ABHD10: variants seen among roughly 807,000 people sequenced by gnomAD.
The protein encoded by ABHD10 is abhydrolase domain containing 10, depalmitoylase, also known as palmitoyl-protein thioesterase ABHD10, mitochondrial.
ABHD10 carries 22 observed loss-of-function variants against 33.1 expected under a neutral mutation model. The observed-to-expected ratio is 0.66, with a 90% CI of 0.47 to 0.95. The LOEUF is 0.95. ABHD10 is among the 40% of genes least tolerant of loss of function. The pLI is 0.00. For missense variants in ABHD10, 352 were observed against 379.9 expected, an observed-to-expected ratio of 0.93 and a Z score of 0.61; for synonymous variants, 146 against 133.9, an observed-to-expected ratio of 1.09 and a Z score of -0.62.
At chr3:111,988,367 A>G (rs1050174214) in intron 4 of ABHD10, among the ~76,000 whole-genome samples, 2 of 152,006 alleles carry the variant, frequency 1.3e-5, no homozygotes, top group African/African-American at 2.4e-5. Flanking sequence ...TTTCTCATAC[A>G]TAGTTGCTCA....
intron 2 of ABHD10, among the ~76,000 whole-genome samples, chr3:111,984,483 A>G (rs2072627846): frequency 6.6e-6 from 1 of 152,182 alleles, no homozygotes; most frequent in Non-Finnish European, 1.5e-5. Context: ...TGAAACACAT[A>G]AGAAAACATA....
intron 1 of ABHD10, among the ~76,000 whole-genome samples, chr3:111,979,883 A>C (rs1559934712): frequency 6.6e-6 from 1 of 152,224 alleles, no homozygotes; most frequent in Non-Finnish European, 1.5e-5. Context: ...CACGGCAGAG[A>C]TCTTTTGTAT....
rs1244775164 is a variant in ABHD10 at position 111,993,147 on chromosome 3, A to G, written c.*1426A>G. 1 of 152,154 alleles carries G rather than the reference A, an allele frequency of 6.6e-6. No individual in the cohort carries two copies. Among genetic ancestry groups the G allele is most frequent in the African/African-American group, 2.4e-5 (1 of 41,430 alleles). The allele number at this position is 152,154 out of a possible 1,614,324, so 9.4% of individuals were successfully genotyped here. On this transcript the variant is annotated 3_prime_UTR_variant, in exon 5 of 5. Transcript: ENST00000273359. ...CCAGCTCCCAGTAAAAACCCCAGGC[A>G]CTCAGTCTCTAACAAGCTTTTCTGG... is the stretch of plus-strand genomic sequence containing the variant.
chr3:111,983,280 C>G (rs2072609099), intron 2 of ABHD10, among the ~76,000 whole-genome samples: 1 of 152,076 alleles, frequency 6.6e-6, no homozygotes, highest in Non-Finnish European at 1.5e-5. Context: ...GGGGACTGTC[C>G]TGAGCAGAAG....
rs139333632 is a variant in ABHD10, at chr3:111,985,106, G to T, written c.327-1158G>T. On this transcript the variant is annotated intron_variant, in intron 2 of 4. Transcript: ENST00000273359. ...ATATGTCAAGTGAAGTTCCTCAGAG[G>T]AGGTGACATGACTTAAAGGGTGACT... 4.2e-4 allele frequency among the ~76,000 whole-genome samples: 64 copies of T among 152,336 alleles called. 1 individual carries two copies. The East Asian group carries it at 0.012, about 28-fold the overall frequency.
At chr3:111,989,270 A>G (rs1468307995) in intron 4 of ABHD10, among the ~76,000 whole-genome samples, 11 of 152,174 alleles carry the variant, frequency 7.2e-5, no homozygotes, top group Non-Finnish European at 4.4e-5. Context: ...TTTGGACACT[A>G]GAGGGCCTCA....
At chr3:111,980,539 G>A (rs2072570116) in intron 1 of ABHD10, among the ~76,000 whole-genome samples, 1 of 152,012 alleles carries the variant, frequency 6.6e-6, no homozygotes, top group African/African-American at 2.4e-5. Context: ...CAAAACTAGT[G>A]TCTTTGGAAA....
At chr3:111,987,664 A>G (rs975282264) in intron 4 of ABHD10, among the ~76,000 whole-genome samples, 2 of 152,200 alleles carry the variant, frequency 1.3e-5, no homozygotes, top group Non-Finnish European at 2.9e-5. Flanking sequence ...GCTATACTGT[A>G]TCGTTTAGGG....
Position 111,981,773 on chromosome 3 carries a change from A to G in ABHD10, c.143-11A>G. ...ACAAACCATAGTTTACTTTTTGTGTACTTTGTTTAGCTTGTAGACAAAAGA... is the reference window on the plus strand; with the variant it reads ...ACAAACCATAGTTTACTTTTTGTGTGCTTTGTTTAGCTTGTAGACAAAAGA... On this transcript the variant is annotated splice_polypyrimidine_tract_variant and intron_variant, in intron 1 of 4. Coordinates refer to ENST00000273359, the MANE Select transcript of ABHD10 (RefSeq NM_018394.4). 2 of 1,524,766 alleles carry G rather than the reference A, an allele frequency of 1.3e-6. No individual in the cohort carries two copies. Among genetic ancestry groups the G allele is most frequent in the South Asian group, 1.3e-5 (1 of 76,500 alleles). 94.5% of individuals were successfully genotyped at this position (1,524,766 alleles called of 1,614,324 possible).
chr3:111,980,079 C>G (rs2072561907), intron 1 of ABHD10, among the ~76,000 whole-genome samples: 1 of 152,108 alleles, frequency 6.6e-6, no homozygotes, highest in African/African-American at 2.4e-5. Flanking sequence ...ATGCACCAGG[C>G]TTTGAATTAA....
rs1331067807 is a variant in ABHD10 at position 111,992,045 on chromosome 3, T to TA, written c.*326dup. ...TGCATCCTTTTCTAATTAGGATTAT[T>TA]AATAAAGCGTGAATATTTTGTTTTT... On this transcript the variant is annotated 3_prime_UTR_variant, in exon 5 of 5. Transcript: ENST00000273359. 1 of 175,756 alleles carries TA rather than the reference T, an allele frequency of 5.7e-6. No individual in the cohort carries two copies. The highest frequency in any genetic ancestry group is 1.2e-5 in the Non-Finnish European group (1 of 84,522). 10.9% of individuals were successfully genotyped at this position (175,756 alleles called of 1,614,324 possible). A position where few individuals can be genotyped will look rare whatever the true frequency, so the allele number is the denominator to read the frequency against.
Position 111,986,269 on chromosome 3 carries a change from A to T in ABHD10, c.332A>T (p.Asp111Val). ...KSLGHACIRFDYSGVGSSDGN... is the reference protein window; with the variant it reads ...KSLGHACIRFVYSGVGSSDGN... ...TTTTTTTCCCCTTTTTCCAGGTTTG[A>T]TTACTCAGGAGTTGGAAGTTCAGAT... The change falls in exon 3 of 5, where the codon GAT becomes GTT. Residue 111 changes from aspartate (D) to valine (V), a missense_variant. Coordinates refer to ENST00000273359, the MANE Select transcript of ABHD10 (RefSeq NM_018394.4). 3 of 1,605,502 alleles carry T rather than the reference A, an allele frequency of 1.9e-6. No individual in the cohort carries two copies. Among genetic ancestry groups the T allele is most frequent in the Non-Finnish European group, 2.6e-6 (3 of 1,174,112 alleles).
chr3:111,980,360 G>A (rs1007172997), intron 1 of ABHD10, among the ~76,000 whole-genome samples: 1 of 152,002 alleles, frequency 6.6e-6, no homozygotes, highest in African/African-American at 2.4e-5. Flanking sequence ...TAACTTTAAG[G>A]CCTTCAGTTA....
Position 111,979,037 on chromosome 3 carries a change from G to C in ABHD10, c.-25G>C, listed in dbSNP as rs199734269. The stretch of plus-strand genomic sequence containing the variant: ...GTAGCGTGTCCCTCAGTGGGACACT[G>C]CAGGGTGCGGGGACAACTACGAAGA... On this transcript the variant is annotated 5_prime_UTR_variant, in exon 1 of 5. Transcript: ENST00000273359. 315 of 1,607,072 alleles carry C rather than the reference G, an allele frequency of 2.0e-4. 1 individual carries two copies. In the African/African-American group the frequency reaches 3.9e-3, roughly 20 times the overall value.
intron 3 of ABHD10, 146 bp downstream of exon 3, chr3:111,986,521 T>C (rs1709223): frequency 0.9 from 502,211 of 556,566 alleles, 228,023 homozygotes; most frequent in African/African-American, 0.95. Flanking sequence ...CTGCAAGCTC[T>C]GCCTCCCGGG....
chr3:111,987,204 A>T (rs112495712), intron 4 of ABHD10, among the ~76,000 whole-genome samples, 153 bp downstream of exon 4: 11 of 152,318 alleles, frequency 7.2e-5, no homozygotes, highest in Non-Finnish European at 1.5e-4. Context: ...TTCTGTACAC[A>T]ACCTCTTTTC....
intron 2 of ABHD10, among the ~76,000 whole-genome samples, chr3:111,983,842 G>T (rs1577248749): frequency 6.6e-6 from 1 of 152,226 alleles, no homozygotes; most frequent in East Asian, 1.9e-4. Context: ...TTTTATTTGG[G>T]ACTACATCCC....
At chr3:111,983,717 GA>G (rs1559935983) in intron 2 of ABHD10, among the ~76,000 whole-genome samples, 2 of 152,036 alleles carry the variant, frequency 1.3e-5, no homozygotes, top group African/African-American at 4.8e-5. Flanking sequence ...ATGACTATAT[GA>G]AAATGTTTTA....
chr3:111,980,363 T>C (rs1431409717), intron 1 of ABHD10, among the ~76,000 whole-genome samples: 1 of 152,196 alleles, frequency 6.6e-6, no homozygotes, highest in Non-Finnish European at 1.5e-5. Flanking sequence ...CTTTAAGGCC[T>C]TCAGTTACAT....
Sources: allele counts gnomAD v4.1 joint callset (sites outside exome capture counted in the v4.1 genomes callset), GRCh38; gene constraint gnomAD v4.1.1; transcripts MANE v1.5; gene names NCBI Gene and HGNC (gene_info 2026-07-23, HGNC 2026-07-21).